The following NLE1 variants were observed in gnomAD, a reference collection of about 807,000 sequenced individuals.
The protein encoded by NLE1 is notchless protein homolog 1.
Under a neutral mutation model 62.8 loss-of-function variants are expected in NLE1, and 37 were observed. That is an observed-to-expected ratio of 0.59 (90% CI 0.45 to 0.78). The LOEUF (loss-of-function observed/expected upper bound fraction) is 0.78, where lower values mean the gene tolerates loss of function less well. Among genes scored for constraint, NLE1 ranks in the 30% least tolerant of loss-of-function variants. The pLI is 0.00. For synonymous variants in NLE1, 243 were observed against 253.0 expected (o/e 0.96, Z 0.37); for missense variants, 555 against 637.9 (o/e 0.87, Z 1.40).
At position 35,136,180 on chromosome 17, in the gene NLE1, T is replaced by C. The variant is rs900563773; in HGVS notation, c.1000A>G (p.Asn334Asp). The C allele has an allele frequency of 2.5e-6, 4 of 1,614,040 alleles. No individual in the cohort carries two copies. Among genetic ancestry groups the C allele is most frequent in the Admixed American group, 1.7e-5 (1 of 60,006 alleles). The change falls in exon 9 of 13, where the codon AAC becomes GAC. Residue 334 changes from asparagine (N) to aspartate (D), a missense_variant. Asn to Asp is a conservative substitution (Grantham distance 23). Transcript: ENST00000442241. The stretch of plus-strand genomic sequence containing the variant: ...TGGCACACACTCACCCGCACGAGGT[T>C]GTATCGGCTCAGAGCCCTCTCCTTC... ...ELKERALSRY[N>D]LVRGQGPERL...
chr17:35,139,285 G>A lies in NLE1; in HGVS notation c.410C>T (p.Thr137Ile). ...TGTGCTGAGATCCCAGAAGCGCACG[G>A]TGGTGTCTCCAGAGCCACTGGCCAG... The part of the protein sequence containing the change: ...KYLASGSGDT[T>I]VRFWDLSTET... Residue 137 changes from threonine to isoleucine, a missense_variant, in exon 4 of 13, where the codon ACC (threonine) becomes ATC (isoleucine). Coordinates refer to ENST00000442241, the MANE Select transcript of NLE1 (RefSeq NM_018096.5). 3 of 1,614,064 alleles carry A rather than the reference G, an allele frequency of 1.9e-6. No homozygotes were observed. The highest frequency in any genetic ancestry group is 2.5e-6 in the Non-Finnish European group (3 of 1,179,958).
At position 35,129,474 on chromosome 17, in the gene NLE1, T is replaced by G; in HGVS notation, c.*2963A>C. 1 of 1,614,192 alleles carries G rather than the reference T, an allele frequency of 6.2e-7. No homozygotes were observed. Among genetic ancestry groups the G allele is most frequent in the Non-Finnish European group, 8.5e-7 (1 of 1,180,036 alleles). On this transcript the variant is annotated 3_prime_UTR_variant, in exon 13 of 13. Transcript: ENST00000442241. ...CAGCCGGTCAGTTTCTACCAGCTCC[T>G]GTTACAGGAGGTGGCCAAGACACAG...
At chr17:35,136,268 G>A (rs532276064) in intron 8 of NLE1, 53 bp from the exon 9 acceptor site, 1 of 1,613,224 alleles carries the variant, frequency 6.2e-7, no homozygotes, top group African/African-American at 1.3e-5. Flanking sequence ...AGGCCGATAA[G>A]AAAATCCAAC....
In NLE1 at chr17:35,132,399, C is replaced by T. The variant is rs201965669; in HGVS notation, c.*38G>A. 51 of 1,438,996 alleles carry T rather than the reference C, an allele frequency of 3.5e-5. No homozygotes were observed. The highest frequency in any genetic ancestry group is 5.5e-5 in the East Asian group (2 of 36,264). The allele number at this position is 1,438,996 out of a possible 1,614,324, so 89.1% of individuals were successfully genotyped here. A position where few individuals can be genotyped will look rare whatever the true frequency, so the allele number is the denominator to read the frequency against. ...GGCAGGGAAGGCAGCTGGCAGAGGCCGAGTCGAGGTGGGGGTCAGAGAGAA... is the reference window on the plus strand; with the variant it reads ...GGCAGGGAAGGCAGCTGGCAGAGGCTGAGTCGAGGTGGGGGTCAGAGAGAA... On this transcript the variant is annotated 3_prime_UTR_variant, in exon 13 of 13. Transcript: ENST00000442241.
chr17:35,141,633 C>T (rs922899872), intron 2 of NLE1, among the ~76,000 whole-genome samples: 1 of 151,392 alleles, frequency 6.6e-6, no homozygotes, highest in African/African-American at 2.4e-5. Context: ...AATTCCAAAT[C>T]TGCTACCTAC....
At chr17:35,133,761 T>C (rs1243169226) in intron 10 of NLE1, among the ~76,000 whole-genome samples, 1 of 152,128 alleles carries the variant, frequency 6.6e-6, no homozygotes, top group African/African-American at 2.4e-5. Flanking sequence ...CAACTTTGCA[T>C]GCCTTAGACT....
intron 1 of NLE1, 52 bp downstream of exon 1, chr17:35,142,206 G>C: frequency 1.9e-6 from 3 of 1,577,750 alleles, no homozygotes; most frequent in Non-Finnish European, 2.6e-6. Flanking sequence ...TCAGGGACCC[G>C]GGCCCTAGCG....
Position 35,137,084 on chromosome 17 carries a change from C to A in NLE1, c.745G>T (p.Val249Phe), listed in dbSNP as rs760881486. The A allele has an allele frequency of 2.2e-5, 35 of 1,614,038 alleles. No homozygotes were observed. In the East Asian group the frequency reaches 7.8e-4, roughly 36 times the overall value. ...ERILTGHTQS[V>F]TCLRWGGDGL... ...TCCCCTCCCCACCGGAGACAGGTGACCGACTGGGTGTGCCCGGTGAGGATG... is the reference window on the plus strand; with the variant it reads ...TCCCCTCCCCACCGGAGACAGGTGAACGACTGGGTGTGCCCGGTGAGGATG... The change falls in exon 7 of 13, where the codon GTC becomes TTC. Residue 249 changes from valine (V) to phenylalanine (F), a missense_variant. Coordinates refer to ENST00000442241, the MANE Select transcript of NLE1 (RefSeq NM_018096.5).
At position 35,139,376 on chromosome 17, in the gene NLE1, C is replaced by T. The variant is rs940304476; in HGVS notation, c.381-62G>A. On this transcript the variant is annotated intron_variant, in intron 3 of 12. Transcript: ENST00000442241. ...TGCATTTGTGCCACCTATTCAATCA[C>T]TTTCTGTGAATAGAATATGGAACTG... 55 of 1,335,230 alleles carry T rather than the reference C, an allele frequency of 4.1e-5. 1 individual carries two copies. The highest frequency in any genetic ancestry group is 1.7e-5 in the Admixed American group (1 of 59,098). 82.7% of individuals were successfully genotyped at this position (1,335,230 alleles called of 1,614,324 possible). A position where few individuals can be genotyped will look rare whatever the true frequency, so the allele number is the denominator to read the frequency against.
chr17:35,139,934 T>C lies in NLE1; in HGVS notation c.295A>G (p.Arg99Gly). The C allele has an allele frequency of 1.2e-6, 2 of 1,614,174 alleles. No individual in the cohort carries two copies. The highest frequency in any genetic ancestry group is 1.7e-6 in the Non-Finnish European group (2 of 1,180,034). ...GTGCAGCGAGTCACAGCCCGGACTCTGAAGATAGCCTGTGGCTGGTAGATG... is the reference window on the plus strand; with the variant it reads ...GTGCAGCGAGTCACAGCCCGGACTCCGAAGATAGCCTGTGGCTGGTAGATG... ...DIIYQPQAIFRVRAVTRCTSS... is the reference protein window; with the variant it reads ...DIIYQPQAIFGVRAVTRCTSS... The change falls in exon 3 of 13, where the codon AGA (arginine) becomes GGA (glycine). Residue 99 changes from arginine (R) to glycine (G), a missense_variant. Physicochemically the swap from Arg to Gly is moderately radical, Grantham distance 125 (BLOSUM62 -2). Transcript: ENST00000442241.
intron 5 of NLE1, 60 bp from the exon 6 acceptor site, chr17:35,137,700 C>A (rs576571402): frequency 1.3e-6 from 2 of 1,522,512 alleles, no homozygotes; most frequent in East Asian, 4.5e-5. Context: ...CCACCAAAAT[C>A]CCTGCCTACC....
At chr17:35,133,122 TA>T in intron 12 of NLE1, 48 bp downstream of exon 12, 1 of 1,546,462 alleles carries the variant, frequency 6.5e-7, no homozygotes, top group Non-Finnish European at 8.9e-7. Context: ...AGAAGGACCT[TA>T]GGGGTAGGAG....
rs1239272697 is a variant in NLE1 at position 35,131,541 on chromosome 17, CTG to C, written c.*894_*895del. 6.6e-6 allele frequency: 1 copy of C among 152,236 alleles called. No homozygotes were observed. Among genetic ancestry groups the C allele is most frequent in the Non-Finnish European group, 1.5e-5 (1 of 68,044 alleles). The allele number at this position is 152,236 out of a possible 1,614,324, so 9.4% of individuals were successfully genotyped here. A position where few individuals can be genotyped will look rare whatever the true frequency, so the allele number is the denominator to read the frequency against. On this transcript the variant is annotated 3_prime_UTR_variant, in exon 13 of 13. Coordinates refer to ENST00000442241, the MANE Select transcript of NLE1 (RefSeq NM_018096.5). ...AAGTTCTCGTGGCAAAGAACTTCCT[CTG>C]TATCAACAATACCCACTTCTGCTCA...
chr17:35,141,295 C>T (rs1158467808), intron 2 of NLE1, among the ~76,000 whole-genome samples: 6 of 152,072 alleles, frequency 3.9e-5, no homozygotes, highest in Admixed American at 3.9e-4. Flanking sequence ...CGCCAGTAAT[C>T]CCCAGCACTT....
At position 35,137,542 on chromosome 17, in the gene NLE1, C is replaced by T. The variant is rs1474529376; in HGVS notation, c.635+1G>A. ...GTCCCAGCTCCGTCAGTGTCACTTA[C>T]GCATGGAGGGGCTCCCAGCTCAGGC... On this transcript the variant is annotated splice_donor_variant, in intron 6 of 12. Coordinates refer to ENST00000442241, the MANE Select transcript of NLE1 (RefSeq NM_018096.5). LOFTEE classifies it high-confidence loss of function. 3.7e-6 allele frequency: 6 copies of T among 1,606,372 alleles called. No homozygotes were observed. In the African/African-American group the frequency reaches 4.0e-5, roughly 11 times the overall value.
Position 35,135,198 on chromosome 17 carries a change from C to T in NLE1, c.1214+51G>A, listed in dbSNP as rs771396297. 1.9e-6 allele frequency: 3 copies of T among 1,551,660 alleles called. No homozygotes were observed. In the East Asian group the frequency reaches 6.7e-5, roughly 35 times the overall value. ...ACAGCTAGTAAGTGGCAGTGCCAAGCCCCTCCCACCATTCACTCCTTACAG... is the reference window on the plus strand; with the variant it reads ...ACAGCTAGTAAGTGGCAGTGCCAAGTCCCTCCCACCATTCACTCCTTACAG... On this transcript the variant is annotated intron_variant, in intron 10 of 12. Transcript: ENST00000442241.
At chr17:35,141,742 G>T (rs2091945472) in intron 2 of NLE1, among the ~76,000 whole-genome samples, 1 of 152,148 alleles carries the variant, frequency 6.6e-6, no homozygotes, top group Non-Finnish European at 1.5e-5. Flanking sequence ...AAGAATCAAT[G>T]AAATACAGCA....
Position 35,130,605 on chromosome 17 carries a change from T to C in NLE1, c.*1832A>G. The C allele has an allele frequency of 1.5e-6, 1 of 669,916 alleles. No homozygotes were observed. Among genetic ancestry groups the C allele is most frequent in the Non-Finnish European group, 2.5e-6 (1 of 405,258 alleles). 41.5% of individuals were successfully genotyped at this position (669,916 alleles called of 1,614,324 possible). On this transcript the variant is annotated 3_prime_UTR_variant, in exon 13 of 13. Coordinates refer to ENST00000442241, the MANE Select transcript of NLE1 (RefSeq NM_018096.5). The stretch of plus-strand genomic sequence containing the variant: ...GGGCCAAGGCTACATAGGGGCCCCA[T>C]TCACCTGGAGGCATCTCAGGCCAGG...
chr17:35,139,672 G>A, intron 3 of NLE1, 177 bp downstream of exon 3: 6 of 856,352 alleles, frequency 7.0e-6, no homozygotes, highest in Non-Finnish European at 1.0e-5. Flanking sequence ...TCCTTAAGCA[G>A]CCTTTGGGGA....
Sources: gnomAD v4.1 joint callset for allele counts (sites outside exome capture counted in the v4.1 genomes callset) on GRCh38, gnomAD v4.1.1 for gene constraint, MANE v1.5 for transcripts, NCBI Gene and HGNC (gene_info 2026-07-23, HGNC 2026-07-21) for gene names.